The following RCC2 variants were observed in gnomAD, a reference collection of about 807,000 sequenced individuals.
The protein encoded by RCC2 is regulator of chromosome condensation 2, also known as protein RCC2.
A neutral mutation model predicts 64.1 loss-of-function variants in RCC2; 19 were observed. The ratio of observed to expected loss-of-function variants is 0.30; its 90% CI spans 0.21 to 0.44. RCC2 has a LOEUF of 0.44. Among genes scored for constraint, RCC2 ranks in the 20% least tolerant of loss-of-function variants. RCC2 has a pLI of 1.00. For synonymous variants in RCC2, 325 were observed against 279.6 expected, an observed-to-expected ratio of 1.16 and a Z score of -1.62; for missense variants, 508 against 710.4, an observed-to-expected ratio of 0.72 and a Z score of 3.24.
intron 2 of RCC2, among the ~76,000 whole-genome samples, chr1:17,433,187 A>G (rs2075701224): frequency 6.6e-6 from 1 of 152,216 alleles, no homozygotes; most frequent in East Asian, 1.9e-4. Context: ...ATTTCCTCAC[A>G]CATTAGATGG....
chr1:17,425,287 G>C (rs145518088), intron 4 of RCC2, among the ~76,000 whole-genome samples: 1 of 152,234 alleles, frequency 6.6e-6, no homozygotes, highest in East Asian at 1.9e-4. Context: ...TCAGGAAAAT[G>C]TTCCTTGTGT....
chr1:17,436,407 TCAG>T (rs2075736068), intron 2 of RCC2, among the ~76,000 whole-genome samples: 1 of 151,986 alleles, frequency 6.6e-6, no homozygotes. Flanking sequence ...GAGAGGCTGA[TCAG>T]CACACAAAAA....
Position 17,408,301 on chromosome 1 carries a change from C to T in RCC2, c.*789G>A, listed in dbSNP as rs2075386307. 6.6e-6 allele frequency: 1 copy of T among 152,418 alleles called. No homozygotes were observed. The highest frequency in any genetic ancestry group is 2.4e-5 in the African/African-American group (1 of 41,588). 9.4% of individuals were successfully genotyped at this position (152,418 alleles called of 1,614,324 possible). On this transcript the variant is annotated 3_prime_UTR_variant, in exon 13 of 13. Transcript: ENST00000375436. ...GTGACAAGGCTCAGCCCTGGCTCCA[C>T]AGGGAGCCACCAAGCTGACTCAACT...
chr1:17,426,106 C>T (rs1378537077), intron 3 of RCC2, among the ~76,000 whole-genome samples: 1 of 152,130 alleles, frequency 6.6e-6, no homozygotes, highest in Non-Finnish European at 1.5e-5. Context: ...GAGGCTGACC[C>T]AGGAAACCCC....
In RCC2 at chr1:17,410,153, A is replaced by G. The variant is rs2075409488; in HGVS notation, c.1387-102T>C. 9 of 989,710 alleles carry G rather than the reference A, an allele frequency of 9.1e-6. No individual in the cohort carries two copies. In the South Asian group the frequency reaches 9.6e-5, roughly 11 times the overall value. 61.3% of individuals were successfully genotyped at this position (989,710 alleles called of 1,614,324 possible). On this transcript the variant is annotated intron_variant, in intron 11 of 12. Coordinates refer to ENST00000375436, the MANE Select transcript of RCC2 (RefSeq NM_018715.4). ...TCCTGGCCCCCACTAACCAGAAGCC[A>G]GTGATGATGCCCTCTGGCCCATGAC...
At chr1:17,421,063 G>A (rs1249757148) in intron 6 of RCC2, among the ~76,000 whole-genome samples, 1 of 152,104 alleles carries the variant, frequency 6.6e-6, no homozygotes, top group African/African-American at 2.4e-5. Context: ...CCTAGCCACT[G>A]TCTCTTTAAG....
chr1:17,413,663 G>A lies in RCC2; in HGVS notation c.1081C>T (p.Arg361Trp). 6.2e-7 allele frequency: 1 copy of A among 1,614,068 alleles called. No homozygotes were observed. The highest frequency in any genetic ancestry group is 8.5e-7 in the Non-Finnish European group (1 of 1,179,996). The change falls in exon 9 of 13, where the codon CGG (arginine) becomes TGG (tryptophan). Residue 361 changes from arginine (R) to tryptophan (W), a missense_variant. By Grantham distance (101) the Arg-to-Trp change is moderately radical (BLOSUM62 -3). Transcript: ENST00000375436. ...TCCTTCTGCTCTGCGTGGCCCAGCC[G>A]GCCATAGCCACCAAAGCCCCAGGAG... Reference protein sequence around the residue: ...VFSWGFGGYGRLGHAEQKDEM... With the variant: ...VFSWGFGGYGWLGHAEQKDEM...
At chr1:17,432,335 C>G (rs2075690992) in intron 2 of RCC2, among the ~76,000 whole-genome samples, 1 of 152,118 alleles carries the variant, frequency 6.6e-6, no homozygotes, top group Admixed American at 6.5e-5. Flanking sequence ...TGTTGAAGTC[C>G]CTGTGGAAGG....
rs56926341 is a variant in RCC2, at chr1:17,408,789, T to TA, written c.*300dup. The TA allele has an allele frequency of 0.11, 28,108 of 255,418 alleles. 301 individuals carry two copies. The highest frequency in any genetic ancestry group is 0.14 in the African/African-American group (5,818 of 41,934). The allele number at this position is 255,418 out of a possible 1,614,324, so 15.8% of individuals were successfully genotyped here. A position where few individuals can be genotyped will look rare whatever the true frequency, so the allele number is the denominator to read the frequency against. ...TCAGGAGAGGAAGAAAGAAAAAACT[T>TA]AAAAAAAAAAAAAACCTAGATTGCT... On this transcript the variant is annotated 3_prime_UTR_variant, in exon 13 of 13. Transcript: ENST00000375436.
chr1:17,408,100 T>C lies in RCC2; in HGVS notation c.*990A>G, dbSNP rs1293645436. 4.6e-5 allele frequency: 7 copies of C among 152,162 alleles called. No individual in the cohort carries two copies. In the East Asian group the frequency reaches 1.3e-3, roughly 29 times the overall value. 9.4% of individuals were successfully genotyped at this position (152,162 alleles called of 1,614,324 possible). On this transcript the variant is annotated 3_prime_UTR_variant, in exon 13 of 13. Transcript: ENST00000375436. ...AAAGGGAGCTGGGTCAGCAGAACGG[T>C]ACCCCGAGTCTCAGCAACAGGACGG...
Position 17,416,606 on chromosome 1 carries a change from C to T in RCC2, c.900G>A (p.Arg300=). Reference sequence around the variant, plus strand: ...GAACTAGTTCACAGTCGTACTCTATCCGCTGTGCCCGGGCGATGAACTTCC... The same window carrying T: ...GAACTAGTTCACAGTCGTACTCTATTCGCTGTGCCCGGGCGATGAACTTCC... The part of the protein sequence containing the change: ...SDGKFIARAQ[R]IEYDCELVPR... The change falls in exon 8 of 13, where the codon CGG becomes CGA. Residue 300 remains arginine, a synonymous_variant. Coordinates refer to ENST00000375436, the MANE Select transcript of RCC2 (RefSeq NM_018715.4). 1.2e-6 allele frequency: 2 copies of T among 1,613,884 alleles called. No individual in the cohort carries two copies. The highest frequency in any genetic ancestry group is 1.7e-6 in the Non-Finnish European group (2 of 1,180,006).
chr1:17,419,966 C>A (rs1003824124), intron 7 of RCC2, among the ~76,000 whole-genome samples: 1 of 152,150 alleles, frequency 6.6e-6, no homozygotes, highest in Admixed American at 6.5e-5. Flanking sequence ...GCGGGCTCGG[C>A]GCTATTTTTA....
chr1:17,409,833 ATCT>A (rs1570169760), intron 12 of RCC2, 138 bp downstream of exon 12: 2 of 744,584 alleles, frequency 2.7e-6, no homozygotes, highest in Non-Finnish European at 4.7e-6. Context: ...TCTCAAACAA[ATCT>A]TAGCGTGAGA....
chr1:17,415,962 G>A (rs578009851), intron 8 of RCC2, among the ~76,000 whole-genome samples: 6 of 150,176 alleles, frequency 4.0e-5, no homozygotes, highest in East Asian at 2.0e-4. Context: ...CCAGCTACTC[G>A]GGAGGCTGAG....
At chr1:17,425,419 G>T (rs780029998) in intron 4 of RCC2, 122 bp downstream of exon 4, 6 of 982,556 alleles carry the variant, frequency 6.1e-6, no homozygotes, top group Non-Finnish European at 8.7e-6. Context: ...GACATGGGCT[G>T]TGAACGAAGG....
chr1:17,432,600 G>A (rs761709440), intron 2 of RCC2, among the ~76,000 whole-genome samples: 2 of 152,220 alleles, frequency 1.3e-5, no homozygotes, highest in Non-Finnish European at 2.9e-5. Context: ...CAGTGCTGAG[G>A]CCACACCAGA....
At chr1:17,418,503 A>T (rs1352247300) in intron 7 of RCC2, among the ~76,000 whole-genome samples, 2 of 152,112 alleles carry the variant, frequency 1.3e-5, no homozygotes, top group East Asian at 3.9e-4. Flanking sequence ...CCAAAAATAC[A>T]AAAATTAGCC....
intron 3 of RCC2, among the ~76,000 whole-genome samples, chr1:17,427,655 G>A (rs1009125695): frequency 2.6e-5 from 4 of 152,114 alleles, no homozygotes; most frequent in Non-Finnish European, 4.4e-5. Flanking sequence ...GCAAGGGTGC[G>A]GTGCCACACT....
In RCC2 at chr1:17,413,609, A is replaced by G. The variant is rs1358851709; in HGVS notation, c.1135T>C (p.Phe379Leu). 1 of 1,614,062 alleles carries G rather than the reference A, an allele frequency of 6.2e-7. No homozygotes were observed. The highest frequency in any genetic ancestry group is 8.5e-7 in the Non-Finnish European group (1 of 1,180,024). ...GAAGCCCCACGCCCAGGGAAGTCAA[A>G]CAGCTTCACCAGGCGGGGGACCATC... The part of the protein sequence containing the change: ...DEMVPRLVKL[F>L]DFPGRGASQI... The change falls in exon 9 of 13, where the codon TTT (phenylalanine) becomes CTT (leucine). Residue 379 changes from phenylalanine to leucine, a missense_variant. By Grantham distance (22) the Phe-to-Leu change is conservative. Coordinates refer to ENST00000375436, the MANE Select transcript of RCC2 (RefSeq NM_018715.4).
Sources: allele counts gnomAD v4.1 joint callset (sites outside exome capture counted in the v4.1 genomes callset), GRCh38; gene constraint gnomAD v4.1.1; transcripts MANE v1.5; gene names NCBI Gene and HGNC (gene_info 2026-07-23, HGNC 2026-07-21).